PLEKHG7: variants seen among roughly 807,000 people sequenced by gnomAD.
PLEKHG7 encodes pleckstrin homology domain-containing family G member 7.
PLEKHG7 carries 77 observed loss-of-function variants against 85.2 expected under a neutral mutation model. That is an observed-to-expected ratio of 0.90 (90% CI 0.75 to 1.09). PLEKHG7 has a LOEUF of 1.09. PLEKHG7 is among the 50% of genes least tolerant of loss of function. The probability of loss-of-function intolerance (pLI) is 0.00; values close to 1 mark genes in which losing one functional copy is unlikely to be tolerated. For synonymous variants in PLEKHG7, 301 were observed against 302.4 expected (o/e 1.00, Z 0.05); for missense variants, 777 against 804.3 (o/e 0.97, Z 0.41).
At chr12:92,769,187 C>A in intron 16 of PLEKHG7, 107 bp downstream of exon 16, 1 of 836,306 alleles carries the variant, frequency 1.2e-6, no homozygotes, top group South Asian at 1.9e-5. Context: ...TTCTCTCACC[C>A]ACTTGGGAAG....
Position 92,707,017 on chromosome 12 carries a change from C to A in PLEKHG7, c.386C>A (p.Thr129Asn). ...ADSLEPQTRP[T>N]DKYLPPELQP... ...TCACTGGAGCCCCAAACCCGGCCCACTGACAAGTATCTCCCTCCTGAGCTT... is the reference window on the plus strand; with the variant it reads ...TCACTGGAGCCCCAAACCCGGCCCAATGACAAGTATCTCCCTCCTGAGCTT... Residue 129 changes from threonine (T) to asparagine (N), a missense_variant, in exon 2 of 17, where the codon ACT becomes AAT. Physicochemically the swap from Thr to Asn is moderately conservative, Grantham distance 65. This residue lies in a region of PLEKHG7 where 252 missense variants were observed against 241.9 expected (regional missense o/e 1.04). Transcript: ENST00000344636. 6.2e-7 allele frequency: 1 copy of A among 1,614,172 alleles called. No homozygotes were observed. The highest frequency in any genetic ancestry group is 8.5e-7 in the Non-Finnish European group (1 of 1,180,038).
At position 92,772,191 on chromosome 12, in the gene PLEKHG7, T is replaced by C. The variant is rs1873458896; in HGVS notation, c.*1996T>C. On this transcript the variant is annotated 3_prime_UTR_variant, in exon 17 of 17. Transcript: ENST00000344636. ...ATAAATAAATAAATAAATAATGTTT[T>C]AAGTATCTTTAAATGGTCATCTGGG... is the stretch of plus-strand genomic sequence containing the variant. 1 of 151,886 alleles carries C rather than the reference T, an allele frequency of 6.6e-6. No homozygotes were observed. The highest frequency in any genetic ancestry group is 2.1e-4 in the South Asian group (1 of 4,828). 9.4% of individuals were successfully genotyped at this position (151,886 alleles called of 1,614,324 possible). A position where few individuals can be genotyped will look rare whatever the true frequency, so the allele number is the denominator to read the frequency against.
chr12:92,705,654 G>C (rs1025549924), intron 1 of PLEKHG7, among the ~76,000 whole-genome samples: 8 of 152,200 alleles, frequency 5.3e-5, no homozygotes, highest in African/African-American at 1.9e-4. Context: ...CTGTCCCACA[G>C]TCCCACACCT....
At chr12:92,769,558 GC>G (rs1333633175) in intron 16 of PLEKHG7, among the ~76,000 whole-genome samples, 1 of 152,160 alleles carries the variant, frequency 6.6e-6, no homozygotes, top group African/African-American at 2.4e-5. Flanking sequence ...TGTTTTTACA[GC>G]TATGGAGTTG....
intron 3 of PLEKHG7, among the ~76,000 whole-genome samples, chr12:92,709,547 T>A (rs1871328441): frequency 6.6e-6 from 1 of 152,176 alleles, no homozygotes; most frequent in South Asian, 2.1e-4. Flanking sequence ...TATGTATATT[T>A]GTGAGTCTTA....
rs71456571 is a variant in PLEKHG7, at chr12:92,707,119, T to A, written c.488T>A (p.Leu163Gln). ...QEGHFLPSPT[L>Q]RHPSPQGEEL... Reference sequence around the variant, plus strand: ...GGCCACTTCCTGCCCAGCCCCACCCTACGACACCCTAGTCCTCAGGTAACA... The same window carrying A: ...GGCCACTTCCTGCCCAGCCCCACCCAACGACACCCTAGTCCTCAGGTAACA... The change falls in exon 2 of 17, where the codon CTA becomes CAA. Residue 163 changes from leucine (L) to glutamine (Q), a missense_variant. This residue lies in a region of PLEKHG7 where 252 missense variants were observed against 241.9 expected (regional missense o/e 1.04). Transcript: ENST00000344636. 33,342 of 1,613,260 alleles carry A rather than the reference T, an allele frequency of 0.021. 495 individuals are homozygous for A. Among genetic ancestry groups the A allele is most frequent in the South Asian group, 0.045 (4,131 of 90,990 alleles).
intron 3 of PLEKHG7, among the ~76,000 whole-genome samples, chr12:92,723,564 C>T (rs1277876510): frequency 6.6e-6 from 1 of 152,102 alleles, no homozygotes; most frequent in Non-Finnish European, 1.5e-5. Context: ...TGGCTGCTTA[C>T]CAAGTTCTGG....
At chr12:92,737,749 G>GAGGAAGGGAAGGAAGGAAGGAAGGAAGGA (rs1872211708) in intron 7 of PLEKHG7, among the ~76,000 whole-genome samples, 3 of 125,938 alleles carry the variant, frequency 2.4e-5, no homozygotes, top group African/African-American at 3.3e-5. Context: ...GGGAGGGAGG[G>GAGGAAGGGAAGGAAGGAAGGAAGGAAGGA]AGGAAGGAAG....
At position 92,769,060 on chromosome 12, in the gene PLEKHG7, G is replaced by A. The variant is rs778898188; in HGVS notation, c.1948G>A (p.Ala650Thr). 48 of 1,591,436 alleles carry A rather than the reference G, an allele frequency of 3.0e-5. No individual in the cohort carries two copies. The highest frequency in any genetic ancestry group is 3.9e-5 in the Non-Finnish European group (45 of 1,162,354). The change falls in exon 16 of 17, where the codon GCC becomes ACC. Residue 650 changes from alanine to threonine, a missense_variant. Ala to Thr is a moderately conservative substitution (Grantham distance 58). Transcript: ENST00000344636. ...GTGTATAGCAGCATTCTTATTACAAGCCCAAACGGAAAACATCAAAGTATG... is the reference window on the plus strand; with the variant it reads ...GTGTATAGCAGCATTCTTATTACAAACCCAAACGGAAAACATCAAAGTATG... ...RQCIAAFLLQ[A>T]QTENIKKTWM... is the part of the protein sequence containing the mutation.
At chr12:92,735,386 T>C (rs1592679588) in intron 5 of PLEKHG7, among the ~76,000 whole-genome samples, 1 of 152,340 alleles carries the variant, frequency 6.6e-6, no homozygotes, top group East Asian at 1.9e-4. Context: ...TCTGAAACTA[T>C]GACACGGTCT....
At position 92,707,819 on chromosome 12, in the gene PLEKHG7, T is replaced by C. The variant is rs1871282341; in HGVS notation, c.530+147T>C. 4 of 1,372,148 alleles carry C rather than the reference T, an allele frequency of 2.9e-6. No homozygotes were observed. In the African/African-American group the frequency reaches 4.3e-5, roughly 15 times the overall value. 85.0% of individuals were successfully genotyped at this position (1,372,148 alleles called of 1,614,324 possible). A position where few individuals can be genotyped will look rare whatever the true frequency, so the allele number is the denominator to read the frequency against. On this transcript the variant is annotated intron_variant, in intron 3 of 16. Transcript: ENST00000344636. The stretch of plus-strand genomic sequence containing the variant: ...GCACTCAAGTCACTCTTCGCATTTA[T>C]AGGTGCACGAGTTTTCATTTCAAGA...
intron 7 of PLEKHG7, among the ~76,000 whole-genome samples, chr12:92,737,954 C>A (rs1201046487): frequency 2.0e-5 from 3 of 152,184 alleles, no homozygotes; most frequent in Non-Finnish European, 4.4e-5. Flanking sequence ...GAATGAATCT[C>A]TTCTGCCTTG....
Position 92,729,009 on chromosome 12 carries a change from C to T in PLEKHG7, c.547C>T (p.Arg183Trp), listed in dbSNP as rs553676122. The change falls in exon 4 of 17, where the codon CGG becomes TGG. Residue 183 changes from arginine to tryptophan, a missense_variant. This residue lies in a region of PLEKHG7 where 252 missense variants were observed against 241.9 expected (regional missense o/e 1.04). Coordinates refer to ENST00000344636, the MANE Select transcript of PLEKHG7 (RefSeq NM_001377329.1). ...TGAGCACAGGTTCTACGAGCACAGG[C>T]GGAGTTCTGTGGTGCTGAACTTACC... ...LHPSRFYEHR[R>W]SSVVLNLPGL... 25 of 1,231,748 alleles carry T rather than the reference C, an allele frequency of 2.0e-5. No individual in the cohort carries two copies. In the Admixed American group the frequency reaches 3.0e-4, roughly 15 times the overall value. The allele number at this position is 1,231,748 out of a possible 1,614,324, so 76.3% of individuals were successfully genotyped here. A position where few individuals can be genotyped will look rare whatever the true frequency, so the allele number is the denominator to read the frequency against.
At chr12:92,741,902 T>G (rs920906099) in intron 9 of PLEKHG7, among the ~76,000 whole-genome samples, 4 of 152,236 alleles carry the variant, frequency 2.6e-5, no homozygotes, top group Non-Finnish European at 5.9e-5. Context: ...GTTTAGTGTT[T>G]GCTAATTACG....
At chr12:92,711,651 T>C (rs183209578) in intron 3 of PLEKHG7, among the ~76,000 whole-genome samples, 1 of 152,322 alleles carries the variant, frequency 6.6e-6, no homozygotes, top group African/African-American at 2.4e-5. Flanking sequence ...CTGCAGAAGA[T>C]GGCAGGGTCT....
At chr12:92,730,126 A>G (rs191054414) in intron 4 of PLEKHG7, among the ~76,000 whole-genome samples, 63 of 152,290 alleles carry the variant, frequency 4.1e-4, no homozygotes, top group Admixed American at 7.9e-4. Context: ...GCCCAGGACC[A>G]CCAGTGAATA....
At chr12:92,752,694 A>G (rs1239288398) in intron 10 of PLEKHG7, among the ~76,000 whole-genome samples, 1 of 152,200 alleles carries the variant, frequency 6.6e-6, no homozygotes, top group East Asian at 1.9e-4. Context: ...AAATGAGGCA[A>G]CAGCCTGCAG....
intron 10 of PLEKHG7, among the ~76,000 whole-genome samples, chr12:92,747,638 C>T (rs999309122): frequency 6.6e-6 from 1 of 152,058 alleles, no homozygotes; most frequent in Admixed American, 6.6e-5. Flanking sequence ...TTTACAGTAG[C>T]CAAAATATAG....
intron 12 of PLEKHG7, 66 bp from the exon 13 acceptor site, chr12:92,756,232 C>T: frequency 7.9e-7 from 1 of 1,260,606 alleles, no homozygotes; most frequent in East Asian, 2.4e-5. Flanking sequence ...ATTGCCCCAG[C>T]TTTTTAAACA....
Sources: allele counts gnomAD v4.1 joint callset (sites outside exome capture counted in the v4.1 genomes callset), GRCh38; gene constraint gnomAD v4.1.1; regional missense constraint gnomAD v4.1.1; transcripts MANE v1.5; gene names NCBI Gene and HGNC (gene_info 2026-07-23, HGNC 2026-07-21).